Variants in NRXN3 observed in about 807,000 individuals in gnomAD.
The protein encoded by NRXN3 is neurexin 3, also known as neurexin III.
Under a neutral mutation model 137.6 loss-of-function variants are expected in NRXN3, and 32 were observed. That is an observed-to-expected ratio of 0.23 (90% CI 0.18 to 0.31). The LOEUF (loss-of-function observed/expected upper bound fraction) is 0.31. Among genes scored for constraint, NRXN3 ranks in the 10% least tolerant of loss-of-function variants. NRXN3 has a pLI of 1.00. For missense variants in NRXN3, 1,574 were observed against 2,062.5 expected, an observed-to-expected ratio of 0.76 and a Z score of 4.59; for synonymous variants, 798 against 784.5, an observed-to-expected ratio of 1.02 and a Z score of -0.29.
chr14:78,340,975 A>G (rs79068686), intron 4 of NRXN3, among the ~76,000 whole-genome samples: 2,339 of 152,212 alleles, frequency 0.015, 64 homozygotes, highest in African/African-American at 0.054. Flanking sequence ...AATATAGGAC[A>G]CTCGGTTAAA....
At chr14:78,261,364 C>A (rs1397556717) in intron 2 of NRXN3, among the ~76,000 whole-genome samples, 1 of 152,160 alleles carries the variant, frequency 6.6e-6, no homozygotes, top group Admixed American at 6.5e-5. Context: ...ATACAAGCTG[C>A]CCTGGACTGC....
chr14:78,300,292 A>G (rs1211959884), intron 4 of NRXN3, among the ~76,000 whole-genome samples: 1 of 152,224 alleles, frequency 6.6e-6, no homozygotes, highest in Non-Finnish European at 1.5e-5. Context: ...TCCCCTAATC[A>G]TTTTTAGATT....
At chr14:79,640,231 ATAGCT>A (rs1412369362) in intron 16 of NRXN3, among the ~76,000 whole-genome samples, 1 of 135,600 alleles carries the variant, frequency 7.4e-6, no homozygotes, top group African/African-American at 2.5e-5. Context: ...GCTTTCAGTG[ATAGCT>A]TAGGAACATT....
chr14:78,444,373 C>T (rs976915991), intron 4 of NRXN3, among the ~76,000 whole-genome samples: 11 of 152,104 alleles, frequency 7.2e-5, no homozygotes, highest in East Asian at 1.9e-4. Context: ...CTCCATCATG[C>T]GGCTTTCCTC....
chr14:79,698,022 G>T, intron 19 of NRXN3, 85 bp downstream of exon 19: 1 of 1,241,506 alleles, frequency 8.1e-7, no homozygotes. Context: ...TGTAGCTAAA[G>T]AGTTTGAATT....
At chr14:78,397,352 T>C (rs2091569965) in intron 4 of NRXN3, among the ~76,000 whole-genome samples, 1 of 144,214 alleles carries the variant, frequency 6.9e-6, no homozygotes, top group African/African-American at 2.8e-5. Flanking sequence ...TTCACCTTCT[T>C]CTCTTTTCTT....
chr14:79,272,597 G>A lies in NRXN3; in HGVS notation c.3263-194624G>A, dbSNP rs191225638. On this transcript the variant is annotated intron_variant, in intron 15 of 20. Transcript: ENST00000335750. ...AATAAAGAATTAAAGAAATAGGAAA[G>A]AGAAGTCACTAGAGAGCCCTTTCAC... Among the ~76,000 whole-genome samples the A allele has an allele frequency of 1.4e-3, 217 of 152,268 alleles. 2 individuals carry two copies. In the Middle Eastern group the frequency reaches 0.041, roughly 29 times the overall value.
intron 15 of NRXN3, among the ~76,000 whole-genome samples, chr14:79,243,424 C>A (rs1005435208): frequency 6.6e-6 from 1 of 151,940 alleles, no homozygotes; most frequent in Non-Finnish European, 1.5e-5. Context: ...TAAAAGGAAT[C>A]TTTTTTTTGA....
Position 79,530,474 on chromosome 14 carries a change from C to T in NRXN3, c.3444+63072C>T, listed in dbSNP as rs1056256612. Reference sequence around the variant, plus strand: ...TATGAAAGATGCTTCAGATGCCCCCCGGACAAAGATGGAGAAGGAAATGTT... The same window carrying T: ...TATGAAAGATGCTTCAGATGCCCCCTGGACAAAGATGGAGAAGGAAATGTT... On this transcript the variant is annotated intron_variant, in intron 16 of 20. Transcript: ENST00000335750. 3.9e-5 allele frequency among the ~76,000 whole-genome samples: 6 copies of T among 151,978 alleles called. No individual in the cohort carries two copies. The South Asian group carries it at 6.2e-4, about 16-fold the overall frequency.
chr14:79,065,074 A>G (rs754821034), intron 15 of NRXN3, among the ~76,000 whole-genome samples: 3 of 152,056 alleles, frequency 2.0e-5, no homozygotes, highest in Non-Finnish European at 4.4e-5. Context: ...ATATGTATTT[A>G]CATGCATATA....
At chr14:78,807,119 G>A (rs577933181) in intron 9 of NRXN3, among the ~76,000 whole-genome samples, 9 of 152,290 alleles carry the variant, frequency 5.9e-5, no homozygotes, top group African/African-American at 2.2e-4. Flanking sequence ...TTGTTTTTAT[G>A]ATGGTCACCT....
chr14:79,732,092 G>A (rs1207885807), intron 19 of NRXN3, among the ~76,000 whole-genome samples: 1 of 151,870 alleles, frequency 6.6e-6, no homozygotes, highest in Non-Finnish European at 1.5e-5. Context: ...CTTCCTCTTT[G>A]TCTCTATTTT....
chr14:78,374,247 A>T (rs1029437313), intron 4 of NRXN3, among the ~76,000 whole-genome samples: 1 of 152,180 alleles, frequency 6.6e-6, no homozygotes, highest in African/African-American at 2.4e-5. Flanking sequence ...AGAAGTGTTT[A>T]TGTGCCTAAG....
chr14:78,596,738 C>T (rs2097160737), intron 4 of NRXN3, among the ~76,000 whole-genome samples: 1 of 152,174 alleles, frequency 6.6e-6, no homozygotes, highest in African/African-American at 2.4e-5. Context: ...AGACACATGG[C>T]ATCTTATTCA....
At chr14:78,993,995 G>A (rs1318962404) in intron 15 of NRXN3, among the ~76,000 whole-genome samples, 1 of 151,716 alleles carries the variant, frequency 6.6e-6, no homozygotes. Flanking sequence ...GATTACAGGT[G>A]TGTGCCACAC....
rs768071550 is a variant in NRXN3, at chr14:78,243,149, G to A, written c.56G>A (p.Gly19Glu). Residue 19 changes from glycine (G) to glutamate (E), a missense_variant, in exon 2 of 21, where the codon GGG (glycine) becomes GAG (glutamate). Gly to Glu is a moderately conservative substitution (Grantham distance 98). This residue lies in a region of NRXN3 where 400 missense variants were observed against 527.3 expected (regional missense o/e 0.76). Transcript: ENST00000335750. This position sits in a 1 kb window ranked among gnomAD's most constrained non-coding sequence, Gnocchi z 4.2. ...FFTLKVSILL[G>E]SLLGLCLGLE... ...ACCCTGAAGGTCAGCATCCTGCTGG[G>A]GTCCCTGCTGGGGCTCTGCCTGGGC... 1.7e-5 allele frequency: 27 copies of A among 1,546,118 alleles called. No individual in the cohort carries two copies. The African/African-American group carries it at 3.1e-4, about 18-fold the overall frequency.
At chr14:78,610,571 C>G (rs10138082) in intron 4 of NRXN3, among the ~76,000 whole-genome samples, 12,866 of 152,202 alleles carry the variant, frequency 0.085, 702 homozygotes, top group African/African-American at 0.15. Context: ...TTCTAAAACC[C>G]TATGTAGATT....
chr14:79,121,842 TGGAG>T (rs2055497376), intron 15 of NRXN3, among the ~76,000 whole-genome samples: 1 of 152,262 alleles, frequency 6.6e-6, no homozygotes, highest in African/African-American at 2.4e-5. Context: ...GTTAGAAGGC[TGGAG>T]TTATGAACCA....
At chr14:78,418,548 T>C (rs1034688549) in intron 4 of NRXN3, among the ~76,000 whole-genome samples, 8 of 152,124 alleles carry the variant, frequency 5.3e-5, no homozygotes, top group African/African-American at 1.7e-4. Context: ...TGCAGACAGA[T>C]TGGGGCAAGA....
Sources: gnomAD v4.1 joint callset for allele counts (sites outside exome capture counted in the v4.1 genomes callset) on GRCh38, gnomAD v4.1.1 for gene constraint, gnomAD v4.1.1 regional missense constraint, Gnocchi (gnomAD v3.1) non-coding constraint, MANE v1.5 for transcripts, NCBI Gene and HGNC (gene_info 2026-07-23, HGNC 2026-07-21) for gene names.